The following ZFHX3 variants were observed in gnomAD, a reference collection of about 807,000 sequenced individuals.
The protein encoded by ZFHX3 is zinc finger homeobox protein 3.
Under a neutral mutation model 279.1 loss-of-function variants are expected in ZFHX3, and 42 were observed. The ratio of observed to expected loss-of-function variants is 0.15; its 90% CI spans 0.12 to 0.19. The LOEUF (loss-of-function observed/expected upper bound fraction) is 0.19. ZFHX3 is among the 10% of genes least tolerant of loss of function. ZFHX3 has a pLI of 1.00. For synonymous variants in ZFHX3, 2,293 were observed against 1,957.8 expected, an observed-to-expected ratio of 1.17 and a Z score of -4.52; for missense variants, 4,981 against 4,754.0, an observed-to-expected ratio of 1.05 and a Z score of -1.40.
Position 73,036,977 on chromosome 16 carries a change from A to G in ZFHX3, c.-50+10775T>C, listed in dbSNP as rs189688853. 3.9e-3 allele frequency among the ~76,000 whole-genome samples: 594 copies of G among 152,224 alleles called. 4 individuals are homozygous for G. The highest frequency in any genetic ancestry group is 6.4e-3 in the Non-Finnish European group (433 of 67,988). ...ATTGTGAGAGAAGTTATTTTTGTAG[A>G]CAACATCCAAAAATCAGAAGAACTG... On this transcript the variant is annotated intron_variant, in intron 1 of 9. Transcript: ENST00000268489.
intron 1 of ZFHX3, among the ~76,000 whole-genome samples, chr16:73,749,258 C>G (rs2053734740): frequency 6.6e-6 from 1 of 152,078 alleles, no homozygotes; most frequent in African/African-American, 2.4e-5. Flanking sequence ...CTTCAAGGGT[C>G]AGACCGAGGA....
chr16:73,014,702 T>A (rs1198622551), intron 1 of ZFHX3, among the ~76,000 whole-genome samples: 1 of 151,690 alleles, frequency 6.6e-6, no homozygotes, highest in African/African-American at 2.4e-5. Flanking sequence ...AATTTTTGTA[T>A]TTTTAGTAGA....
chr16:73,491,310 C>T (rs1302281231), intron 2 of ZFHX3, among the ~76,000 whole-genome samples: 2 of 152,138 alleles, frequency 1.3e-5, no homozygotes, highest in African/African-American at 2.4e-5. Context: ...AGAGGTGATA[C>T]ATGTCACTTT....
intron 3 of ZFHX3, among the ~76,000 whole-genome samples, chr16:73,402,741 C>A (rs1342898671): frequency 1.3e-5 from 2 of 152,058 alleles, no homozygotes; most frequent in Admixed American, 6.6e-5. Flanking sequence ...GTATACAAAG[C>A]CTGCAAGCTA....
intron 3 of ZFHX3, among the ~76,000 whole-genome samples, chr16:73,442,353 C>T (rs968760717): frequency 6.7e-6 from 1 of 150,170 alleles, no homozygotes; most frequent in African/African-American, 2.5e-5. Context: ...ATCAGTATCC[C>T]ATTTCCTCTT....
intron 3 of ZFHX3, among the ~76,000 whole-genome samples, chr16:73,326,910 T>A (rs1466964802): frequency 6.6e-6 from 1 of 152,140 alleles, no homozygotes; most frequent in African/African-American, 2.4e-5. Context: ...GCCAAACGCA[T>A]CAAAGTCCAT....
intron 1 of ZFHX3, among the ~76,000 whole-genome samples, chr16:73,872,600 T>C (rs1180289449): frequency 6.6e-6 from 1 of 151,302 alleles, no homozygotes; most frequent in Non-Finnish European, 1.5e-5. Flanking sequence ...CTCTGAATAG[T>C]ACATGAATTG....
intron 1 of ZFHX3, among the ~76,000 whole-genome samples, chr16:73,830,638 T>C (rs1960970655): frequency 6.6e-6 from 1 of 152,220 alleles, no homozygotes; most frequent in African/African-American, 2.4e-5. Context: ...TATTTAGAGC[T>C]ACTGGCATTT....
Position 73,840,316 on chromosome 16 carries a change from A to C in ZFHX3, c.-1608+51335T>G, listed in dbSNP as rs575560536. Among the ~76,000 whole-genome samples, 39 of 152,268 alleles carry C rather than the reference A, an allele frequency of 2.6e-4. No individual in the cohort carries two copies. The South Asian group carries it at 7.5e-3, about 29-fold the overall frequency. On this transcript the variant is annotated intron_variant, in intron 1 of 17. Transcript: ENST00000641206. ...TAAAAGGCCCCCTTTTCTCAGTCCC[A>C]AAAGCCCCCACCACCATCACAGAAA...
chr16:73,807,258 T>A (rs1960302009), intron 1 of ZFHX3, among the ~76,000 whole-genome samples: 1 of 152,164 alleles, frequency 6.6e-6, no homozygotes, highest in Admixed American at 6.5e-5. Context: ...TCTGCCCACG[T>A]GTGACACAAG....
chr16:73,458,578 G>C (rs948973145), intron 2 of ZFHX3, among the ~76,000 whole-genome samples: 1 of 151,966 alleles, frequency 6.6e-6, no homozygotes, highest in African/African-American at 2.4e-5. Context: ...GGCTGGTCTC[G>C]AACTCCTGAC....
At chr16:73,273,562 A>G (rs1018609786) in intron 4 of ZFHX3, among the ~76,000 whole-genome samples, 3 of 152,180 alleles carry the variant, frequency 2.0e-5, no homozygotes, top group Admixed American at 6.5e-5. Context: ...AAGGACTCAT[A>G]CTGAACCACA....
chr16:73,141,822 T>C (rs890278462), intron 6 of ZFHX3, among the ~76,000 whole-genome samples: 2 of 152,190 alleles, frequency 1.3e-5, no homozygotes, highest in Admixed American at 6.5e-5. Flanking sequence ...AGAGAAAGAA[T>C]AGGTCTGGAA....
chr16:73,377,902 G>A (rs1597308401), intron 3 of ZFHX3, among the ~76,000 whole-genome samples: 1 of 150,724 alleles, frequency 6.6e-6, no homozygotes, highest in Non-Finnish European at 1.5e-5. Flanking sequence ...GCGTGGTGCC[G>A]AGCGCCTGTA....
At chr16:72,914,430 T>C (rs1448647588) in intron 3 of ZFHX3, among the ~76,000 whole-genome samples, 3 of 152,166 alleles carry the variant, frequency 2.0e-5, no homozygotes. Context: ...AACTTGGAAC[T>C]GTCTCCAAAA....
chr16:72,996,946 G>C (rs1417128629), intron 1 of ZFHX3, among the ~76,000 whole-genome samples: 1 of 152,144 alleles, frequency 6.6e-6, no homozygotes, highest in Non-Finnish European at 1.5e-5. Flanking sequence ...CCCTAAACTG[G>C]TAAAAGCCAA....
intron 1 of ZFHX3, among the ~76,000 whole-genome samples, chr16:73,844,538 T>C (rs925138942): frequency 6.6e-6 from 1 of 152,108 alleles, no homozygotes; most frequent in Non-Finnish European, 1.5e-5. Context: ...TCTTCTAGGC[T>C]TTATTATTAG....
intron 2 of ZFHX3, among the ~76,000 whole-genome samples, chr16:73,641,258 T>TA (rs199794673): frequency 2.0e-5 from 3 of 151,270 alleles, no homozygotes. Context: ...GGGAAAGCAA[T>TA]AAAAAAAACT....
At chr16:73,640,117 G>A (rs2052560962) in intron 2 of ZFHX3, among the ~76,000 whole-genome samples, 1 of 152,182 alleles carries the variant, frequency 6.6e-6, no homozygotes, top group African/African-American at 2.4e-5. Flanking sequence ...TTAAGCAGAA[G>A]TGACTCTAGA....
Sources: allele counts gnomAD v4.1 joint callset (sites outside exome capture counted in the v4.1 genomes callset), GRCh38; gene constraint gnomAD v4.1.1; transcripts MANE v1.5; gene names NCBI Gene and HGNC (gene_info 2026-07-23, HGNC 2026-07-21).